RBMS3: variants seen among roughly 807,000 people sequenced by gnomAD.
RBMS3 encodes the protein RNA binding motif single stranded interacting protein 3.
In RBMS3, 27 loss-of-function variants were observed where a neutral mutation model predicts 66.8. That is an observed-to-expected ratio of 0.40 (90% CI 0.30 to 0.56). The LOEUF (loss-of-function observed/expected upper bound fraction) is 0.56. Among genes scored for constraint, RBMS3 ranks in the 20% least tolerant of loss-of-function variants. RBMS3 has a pLI of 0.40. For missense variants in RBMS3, 513 were observed against 549.5 expected, an observed-to-expected ratio of 0.93 and a Z score of 0.66; for synonymous variants, 188 against 183.0, an observed-to-expected ratio of 1.03 and a Z score of -0.22.
chr3:29,745,391 A>G (rs995815243), intron 5 of RBMS3, among the ~76,000 whole-genome samples: 1 of 152,170 alleles, frequency 6.6e-6, no homozygotes, highest in African/African-American at 2.4e-5. Context: ...CTGCAGAGCT[A>G]GTGAATGCCA....
intron 4 of RBMS3, among the ~76,000 whole-genome samples, chr3:29,715,370 A>T (rs965730493): frequency 2.6e-5 from 4 of 152,166 alleles, no homozygotes; most frequent in African/African-American, 9.7e-5. Flanking sequence ...TGGTTAAGTT[A>T]GTAAAATCAG....
At chr3:29,610,147 G>A (rs2048445901) in intron 4 of RBMS3, among the ~76,000 whole-genome samples, 1 of 151,838 alleles carries the variant, frequency 6.6e-6, no homozygotes, top group Non-Finnish European at 1.5e-5. Context: ...AATATCCAGG[G>A]AGATATGGGG....
chr3:29,907,919 C>T (rs763441159), intron 10 of RBMS3, among the ~76,000 whole-genome samples: 29 of 151,886 alleles, frequency 1.9e-4, no homozygotes, highest in Admixed American at 6.6e-5. Context: ...CAGACATGTT[C>T]TCAGGAGGCT....
chr3:29,996,740 C>T (rs941667947), intron 14 of RBMS3, among the ~76,000 whole-genome samples: 4 of 152,116 alleles, frequency 2.6e-5, no homozygotes, highest in East Asian at 1.9e-4. Flanking sequence ...ACACAACATA[C>T]CAGAATCTCT....
At chr3:29,479,141 G>A (rs964137701) in intron 2 of RBMS3, among the ~76,000 whole-genome samples, 7 of 152,006 alleles carry the variant, frequency 4.6e-5, no homozygotes, top group African/African-American at 1.4e-4. Context: ...ACTTAGTCAA[G>A]TAACTTAATA....
At chr3:29,496,318 ATCTAC>A (rs1471044008) in intron 3 of RBMS3, among the ~76,000 whole-genome samples, 6 of 152,064 alleles carry the variant, frequency 3.9e-5, no homozygotes, top group African/African-American at 1.4e-4. Context: ...TTTTACTCTA[ATCTAC>A]TCTAGTATTA....
Position 29,897,375 on chromosome 3 carries a change from G to A in RBMS3, c.792-4G>A, listed in dbSNP as rs140529175. ...GAATCTTCCTTTTTGTTTTCTGTTT[G>A]CAGATTTTATTCTTCACCGTACAGT... On this transcript the variant is annotated splice_region_variant and splice_polypyrimidine_tract_variant and intron_variant, in intron 8 of 14. Transcript: ENST00000383767. 43 of 1,609,838 alleles carry A rather than the reference G, an allele frequency of 2.7e-5. No homozygotes were observed. Among genetic ancestry groups the A allele is most frequent in the Non-Finnish European group, 3.3e-5 (39 of 1,177,100 alleles).
At chr3:29,739,102 A>G (rs900392012) in intron 4 of RBMS3, among the ~76,000 whole-genome samples, 2 of 152,216 alleles carry the variant, frequency 1.3e-5, no homozygotes, top group Admixed American at 6.5e-5. Flanking sequence ...TCATAGAAGT[A>G]GTGGTTAATG....
intron 6 of RBMS3, among the ~76,000 whole-genome samples, chr3:29,780,701 A>G (rs954099253): frequency 1.3e-5 from 2 of 152,156 alleles, no homozygotes; most frequent in African/African-American, 2.4e-5. Context: ...ACCTTTTCCT[A>G]TAATACATGC....
chr3:29,929,644 TAA>T (rs1486590896), intron 10 of RBMS3, among the ~76,000 whole-genome samples: 1 of 152,088 alleles, frequency 6.6e-6, no homozygotes, highest in African/African-American at 2.4e-5. Flanking sequence ...AACTTGAAAT[TAA>T]AAGTGTGATT....
rs186857659 is a variant in RBMS3, at chr3:29,850,532, A to G, written c.638-18326A>G. 2.8e-3 allele frequency among the ~76,000 whole-genome samples: 421 copies of G among 152,168 alleles called. 4 individuals carry two copies. The highest frequency in any genetic ancestry group is 9.9e-3 in the African/African-American group (411 of 41,510). ...TTTAGTTTTTTGGGCTCCTTTGAGT[A>G]TAATTGAAGGAAATTTCTATCCTGT... On this transcript the variant is annotated intron_variant, in intron 6 of 14. Transcript: ENST00000383767.
At chr3:29,300,058 A>T (rs1416079717) in intron 1 of RBMS3, among the ~76,000 whole-genome samples, 1 of 151,992 alleles carries the variant, frequency 6.6e-6, no homozygotes, top group African/African-American at 2.4e-5. Flanking sequence ...GCTACCAAGC[A>T]CTCAAAAATA....
At chr3:29,800,550 A>T (rs2057356162) in intron 6 of RBMS3, among the ~76,000 whole-genome samples, 1 of 152,196 alleles carries the variant, frequency 6.6e-6, no homozygotes, top group Non-Finnish European at 1.5e-5. Flanking sequence ...AAAAAAGGCT[A>T]TACATCATAA....
chr3:29,363,887 A>T (rs559319760), intron 1 of RBMS3, among the ~76,000 whole-genome samples: 7 of 152,138 alleles, frequency 4.6e-5, no homozygotes, highest in Admixed American at 2.6e-4. Context: ...TTGCTATCAA[A>T]TAGGATAGAA....
intron 4 of RBMS3, among the ~76,000 whole-genome samples, chr3:29,624,839 G>A (rs976349603): frequency 6.6e-6 from 1 of 152,142 alleles, no homozygotes; most frequent in Admixed American, 6.5e-5. Context: ...TTGAAGGAAA[G>A]GAATGTATCT....
At chr3:29,420,311 T>A in intron 1 of RBMS3, among the ~76,000 whole-genome samples, 1 of 152,220 alleles carries the variant, frequency 6.6e-6, no homozygotes, top group East Asian at 1.9e-4. Flanking sequence ...TAAATCTTCT[T>A]CTTTTCCCCC....
intron 14 of RBMS3, among the ~76,000 whole-genome samples, chr3:29,999,797 T>C (rs926768999): frequency 8.6e-5 from 13 of 151,964 alleles, no homozygotes; most frequent in African/African-American, 3.1e-4. Context: ...TTAGGAGATA[T>C]ACCTAATGCT....
intron 1 of RBMS3, among the ~76,000 whole-genome samples, chr3:29,383,470 T>A (rs142296554): frequency 4.7e-4 from 72 of 152,346 alleles, no homozygotes; most frequent in East Asian, 1.2e-3. Flanking sequence ...TAATATTTCT[T>A]CCATGACACT....
chr3:29,281,478 T>TTA lies in RBMS3; in HGVS notation c.-203_-202insAT. Reference sequence around the variant, plus strand: ...TCTACAGATCTCACTCCTCGCCCTTTTTTTTTTTCCTTTGGTGTGTGTTTT... The same window carrying TTA: ...TCTACAGATCTCACTCCTCGCCCTTTTATTTTTTTTCCTTTGGTGTGTGTTTT... On this transcript the variant is annotated 5_prime_UTR_variant, in exon 1 of 15. Transcript: ENST00000383767. 1 of 565,752 alleles carries TTA rather than the reference T, an allele frequency of 1.8e-6. No individual in the cohort carries two copies. Among genetic ancestry groups the TTA allele is most frequent in the Non-Finnish European group, 3.1e-6 (1 of 322,780 alleles). The allele number at this position is 565,752 out of a possible 1,614,324, so 35.0% of individuals were successfully genotyped here. A position where few individuals can be genotyped will look rare whatever the true frequency, so the allele number is the denominator to read the frequency against.
Sources: allele counts gnomAD v4.1 joint callset (sites outside exome capture counted in the v4.1 genomes callset), GRCh38; gene constraint gnomAD v4.1.1; transcripts MANE v1.5; gene names NCBI Gene and HGNC (gene_info 2026-07-23, HGNC 2026-07-21).